MAGI2: variants seen among roughly 807,000 people sequenced by gnomAD.
MAGI2 encodes the protein membrane associated guanylate kinase, WW and PDZ domain containing 2, also known as membrane-associated guanylate kinase, WW and PDZ domain-containing protein 2.
Under a neutral mutation model 133.3 loss-of-function variants are expected in MAGI2, and 35 were observed. That is an observed-to-expected ratio of 0.26 (90% CI 0.20 to 0.35). The LOEUF is 0.35. Among genes scored for constraint, MAGI2 ranks in the 10% least tolerant of loss-of-function variants. MAGI2 has a pLI of 1.00. For synonymous variants in MAGI2, 729 were observed against 710.6 expected (o/e 1.03, Z -0.41); for missense variants, 1,636 against 1,863.4 (o/e 0.88, Z 2.25).
At chr7:78,515,354 A>C (rs1322877880) in intron 4 of MAGI2, among the ~76,000 whole-genome samples, 1 of 152,108 alleles carries the variant, frequency 6.6e-6, no homozygotes, top group African/African-American at 2.4e-5. Flanking sequence ...ACTTCTGTAT[A>C]CTTTTTTTTT....
At chr7:78,658,780 T>C (rs1473533003) in intron 2 of MAGI2, among the ~76,000 whole-genome samples, 3 of 152,110 alleles carry the variant, frequency 2.0e-5, no homozygotes, top group Non-Finnish European at 2.9e-5. Flanking sequence ...TATACACCTA[T>C]CACGACAGCT....
At chr7:79,043,021 T>A (rs190485856) in intron 1 of MAGI2, among the ~76,000 whole-genome samples, 4,162 of 152,122 alleles carry the variant, frequency 0.027, 196 homozygotes, top group African/African-American at 0.096. Context: ...ATCAATAAAT[T>A]ATTTGAAACT....
Position 78,136,524 on chromosome 7 carries a change from C to T in MAGI2, c.2846-1318G>A, listed in dbSNP as rs1306221469. Among the ~76,000 whole-genome samples the T allele has an allele frequency of 2.0e-5, 3 of 152,294 alleles. No individual in the cohort carries two copies. In the East Asian group the frequency reaches 5.8e-4, roughly 29 times the overall value. Reference sequence around the variant, plus strand: ...TTCAGTGTAAATGTTTAAGTACCTACCAAGATAACTATTTATGGGGTGGAC... The same window carrying T: ...TTCAGTGTAAATGTTTAAGTACCTATCAAGATAACTATTTATGGGGTGGAC... On this transcript the variant is annotated intron_variant, in intron 16 of 21. Coordinates refer to ENST00000354212, the MANE Select transcript of MAGI2 (RefSeq NM_012301.4).
intron 2 of MAGI2, among the ~76,000 whole-genome samples, chr7:78,669,551 A>T (rs1346139584): frequency 2.0e-5 from 3 of 152,080 alleles, no homozygotes; most frequent in Admixed American, 2.0e-4. Flanking sequence ...AAAAGAGGGA[A>T]TCCTCCCTAA....
intron 2 of MAGI2, among the ~76,000 whole-genome samples, chr7:78,998,271 A>G (rs1318314028): frequency 1.3e-5 from 2 of 152,182 alleles, no homozygotes; most frequent in East Asian, 3.9e-4. Flanking sequence ...ACACCTGCTC[A>G]ATATCAAGGA....
intron 7 of MAGI2, among the ~76,000 whole-genome samples, chr7:78,352,509 C>A (rs1791622938): frequency 6.6e-6 from 1 of 152,164 alleles, no homozygotes; most frequent in Non-Finnish European, 1.5e-5. Context: ...CTATAAACGT[C>A]CATTCATTAT....
chr7:78,059,629 G>T (rs778638586), intron 21 of MAGI2, among the ~76,000 whole-genome samples: 3 of 152,110 alleles, frequency 2.0e-5, no homozygotes, highest in Non-Finnish European at 4.4e-5. Context: ...AAGGAGCCCT[G>T]TCTGACTATT....
At chr7:78,974,313 AT>A (rs903114613) in intron 2 of MAGI2, among the ~76,000 whole-genome samples, 1 of 151,748 alleles carries the variant, frequency 6.6e-6, no homozygotes, top group Non-Finnish European at 1.5e-5. Context: ...AGTTAGAATA[AT>A]TTTTTCTCTA....
chr7:79,059,662 T>A (rs1813523904), intron 1 of MAGI2, among the ~76,000 whole-genome samples: 1 of 152,138 alleles, frequency 6.6e-6, no homozygotes, highest in South Asian at 2.1e-4. Flanking sequence ...TTTATGTCCA[T>A]GTTTGTAATA....
intron 9 of MAGI2, among the ~76,000 whole-genome samples, chr7:78,292,371 T>C (rs1200855865): frequency 6.6e-6 from 1 of 152,110 alleles, no homozygotes; most frequent in African/African-American, 2.4e-5. Flanking sequence ...GAATCCAACT[T>C]ACAAGGGATG....
intron 2 of MAGI2, among the ~76,000 whole-genome samples, chr7:78,960,385 T>A (rs954369561): frequency 4.0e-5 from 6 of 151,878 alleles, no homozygotes; most frequent in Non-Finnish European, 7.4e-5. Context: ...AGGTTAGGAG[T>A]TGAAGGGAGC....
chr7:78,489,400 C>T (rs950195466), intron 6 of MAGI2, among the ~76,000 whole-genome samples: 7 of 151,960 alleles, frequency 4.6e-5, no homozygotes, highest in Non-Finnish European at 8.8e-5. Context: ...TATTATAGTG[C>T]CACAAACTGT....
intron 2 of MAGI2, among the ~76,000 whole-genome samples, chr7:78,911,952 T>A (rs1798432851): frequency 6.6e-6 from 1 of 152,116 alleles, no homozygotes; most frequent in Non-Finnish European, 1.5e-5. Flanking sequence ...AAGAGCAAGA[T>A]CATGTCTTTT....
chr7:78,170,484 C>T (rs1253015686), intron 14 of MAGI2: 1 of 152,090 alleles, frequency 6.6e-6, no homozygotes, highest in East Asian at 1.9e-4. Flanking sequence ...TTCATTGAGC[C>T]CAGGATACTT....
intron 2 of MAGI2, among the ~76,000 whole-genome samples, chr7:78,758,272 TTC>T (rs1325899062): frequency 6.6e-6 from 1 of 152,196 alleles, no homozygotes; most frequent in Non-Finnish European, 1.5e-5. Context: ...GGGTTTTTTT[TTC>T]TGTTTTATTA....
At chr7:78,122,868 A>T (rs1046688827) in intron 20 of MAGI2, among the ~76,000 whole-genome samples, 3 of 151,906 alleles carry the variant, frequency 2.0e-5, no homozygotes, top group Non-Finnish European at 4.4e-5. Flanking sequence ...TTTTCTATTT[A>T]GTTTTGGCTT....
intron 2 of MAGI2, among the ~76,000 whole-genome samples, chr7:78,994,478 C>T (rs1249740340): frequency 6.6e-6 from 1 of 151,972 alleles, no homozygotes; most frequent in Non-Finnish European, 1.5e-5. Context: ...TGATTTTTTC[C>T]CTGCTTTTGT....
chr7:78,428,356 T>C (rs1158805650), intron 6 of MAGI2, among the ~76,000 whole-genome samples: 1 of 152,186 alleles, frequency 6.6e-6, no homozygotes, highest in East Asian at 1.9e-4. Flanking sequence ...CATATAAAAT[T>C]TGTTAAATGC....
In MAGI2 at chr7:78,017,556, A is replaced by C. The variant is rs552592356; in HGVS notation, c.*1759T>G. Reference sequence around the variant, plus strand: ...TTTCTAGTCCAGGGGAGAAAGACTAATTGAGATTAAACCAAAAGCATTATA... The same window carrying C: ...TTTCTAGTCCAGGGGAGAAAGACTACTTGAGATTAAACCAAAAGCATTATA... On this transcript the variant is annotated 3_prime_UTR_variant, in exon 22 of 22. Coordinates refer to ENST00000354212, the MANE Select transcript of MAGI2 (RefSeq NM_012301.4). The C allele has an allele frequency of 6.5e-6, 1 of 152,722 alleles. No individual in the cohort carries two copies. The highest frequency in any genetic ancestry group is 1.9e-4 in the East Asian group (1 of 5,192). 9.5% of individuals were successfully genotyped at this position (152,722 alleles called of 1,614,324 possible). A position where few individuals can be genotyped will look rare whatever the true frequency, so the allele number is the denominator to read the frequency against.
Sources: gnomAD v4.1 joint callset for allele counts (sites outside exome capture counted in the v4.1 genomes callset) on GRCh38, gnomAD v4.1.1 for gene constraint, MANE v1.5 for transcripts, NCBI Gene and HGNC (gene_info 2026-07-23, HGNC 2026-07-21) for gene names.